Variants in CPNE4 observed in about 807,000 individuals in gnomAD.
CPNE4 encodes the protein copine-4.
CPNE4 carries 25 observed loss-of-function variants against 67.9 expected under a neutral mutation model. That is an observed-to-expected ratio of 0.37 (90% CI 0.27 to 0.51). CPNE4 has a LOEUF of 0.51. Ranked by LOEUF, CPNE4 falls within the 20% of genes least tolerant of loss-of-function variation. The probability of loss-of-function intolerance (pLI) is 0.93; values close to 1 mark genes in which losing one functional copy is unlikely to be tolerated. For synonymous variants in CPNE4, 242 were observed against 244.9 expected, an observed-to-expected ratio of 0.99 and a Z score of 0.11; for missense variants, 464 against 690.8, an observed-to-expected ratio of 0.67 and a Z score of 3.68.
intron 5 of CPNE4, among the ~76,000 whole-genome samples, chr3:131,686,768 T>A (rs548642912): frequency 6.6e-6 from 1 of 152,358 alleles, no homozygotes; most frequent in African/African-American, 2.4e-5. Flanking sequence ...TCTAGGTTTT[T>A]GTTCAGTTTC....
chr3:132,016,694 A>T (rs1452730291), intron 1 of CPNE4, among the ~76,000 whole-genome samples: 1 of 152,200 alleles, frequency 6.6e-6, no homozygotes, highest in Non-Finnish European at 1.5e-5. Flanking sequence ...TTAAAATCCT[A>T]TTTGGAAACC....
chr3:131,913,523 C>T (rs546920745), intron 1 of CPNE4, among the ~76,000 whole-genome samples: 1 of 152,278 alleles, frequency 6.6e-6, no homozygotes, highest in East Asian at 1.9e-4. Context: ...GGACGCAAGA[C>T]CCCAGAAGAG....
In CPNE4 at chr3:131,844,842, C is replaced by G. The variant is rs189687454; in HGVS notation, c.180+60422G>C. On this transcript the variant is annotated intron_variant, in intron 2 of 15. Coordinates refer to ENST00000429747, the MANE Select transcript of CPNE4 (RefSeq NM_130808.3). Reference sequence around the variant, plus strand: ...CTTCCTTAGCCTCAACCTTCTTTCTCTTTTGAAGTTCTTCAAAACTTCATG... The same window carrying G: ...CTTCCTTAGCCTCAACCTTCTTTCTGTTTTGAAGTTCTTCAAAACTTCATG... Among the ~76,000 whole-genome samples the G allele has an allele frequency of 7.2e-5, 11 of 152,244 alleles. No homozygotes were observed. The East Asian group carries it at 1.7e-3, about 24-fold the overall frequency.
chr3:131,659,538 A>G (rs997424324), intron 7 of CPNE4, among the ~76,000 whole-genome samples: 3 of 152,238 alleles, frequency 2.0e-5, no homozygotes, highest in Admixed American at 2.0e-4. Flanking sequence ...CAGGGCACTG[A>G]ATAGCATTCA....
chr3:131,737,473 T>C (rs1172006012), intron 2 of CPNE4, among the ~76,000 whole-genome samples: 4 of 152,116 alleles, frequency 2.6e-5, no homozygotes, highest in Non-Finnish European at 4.4e-5. Context: ...AAAGAACTAT[T>C]AGTGAGTGGA....
intron 2 of CPNE4, among the ~76,000 whole-genome samples, chr3:131,744,549 C>T (rs62279034): frequency 0.28 from 42,583 of 152,006 alleles, 6,071 homozygotes; most frequent in Middle Eastern, 0.32. Context: ...CACAAGGATC[C>T]CTCATGTTGC....
intron 1 of CPNE4, among the ~76,000 whole-genome samples, chr3:132,001,124 GA>G (rs1024456297): frequency 3.9e-5 from 6 of 151,950 alleles, no homozygotes; most frequent in African/African-American, 1.4e-4. Flanking sequence ...TACAAGGAGG[GA>G]AAAGGAGAAA....
intron 15 of CPNE4, among the ~76,000 whole-genome samples, chr3:131,537,320 G>T (rs376181903): frequency 8.1e-6 from 1 of 123,442 alleles, no homozygotes; most frequent in African/African-American, 3.2e-5. Context: ...GTCTCACTCT[G>T]TCACCCAGGC....
At chr3:131,570,440 C>T (rs560601815) in intron 10 of CPNE4, among the ~76,000 whole-genome samples, 27 of 151,966 alleles carry the variant, frequency 1.8e-4, no homozygotes, top group Non-Finnish European at 3.7e-4. Context: ...CACCCACTAA[C>T]GTGTCATCTA....
At chr3:131,888,111 C>T (rs909909983) in intron 2 of CPNE4, among the ~76,000 whole-genome samples, 1 of 152,180 alleles carries the variant, frequency 6.6e-6, no homozygotes, top group Admixed American at 6.5e-5. Flanking sequence ...TGTGTTCTGC[C>T]TAAAATCCTG....
At chr3:131,600,103 TCCAGCAG>T (rs1939120204) in intron 7 of CPNE4, among the ~76,000 whole-genome samples, 2 of 152,200 alleles carry the variant, frequency 1.3e-5, no homozygotes, top group East Asian at 3.9e-4. Context: ...ATCTGGGATG[TCCAGCAG>T]CCATAGATGG....
chr3:131,673,512 A>G (rs1436608284), intron 6 of CPNE4, among the ~76,000 whole-genome samples: 2 of 152,050 alleles, frequency 1.3e-5, no homozygotes, highest in East Asian at 3.9e-4. Context: ...AGTTTCTTTC[A>G]TCAATATTTT....
intron 1 of CPNE4, among the ~76,000 whole-genome samples, chr3:131,954,968 GA>G (rs3041609): frequency 0.028 from 3,881 of 137,420 alleles, 117 homozygotes; most frequent in African/African-American, 0.083. Context: ...GTATGCATGT[GA>G]AAAAAAAAAA....
At chr3:131,974,911 G>C (rs190801576) in intron 1 of CPNE4, among the ~76,000 whole-genome samples, 2 of 152,130 alleles carry the variant, frequency 1.3e-5, no homozygotes, top group African/African-American at 2.4e-5. Context: ...GGGAGGCTGA[G>C]GGGGGAGGAT....
chr3:131,589,641 C>T (rs1367673621), intron 7 of CPNE4, among the ~76,000 whole-genome samples: 1 of 152,228 alleles, frequency 6.6e-6, no homozygotes, highest in Admixed American at 6.5e-5. Context: ...CTCACACTTA[C>T]AGTCTTTGAA....
At chr3:131,625,714 A>G (rs73001208) in intron 7 of CPNE4, among the ~76,000 whole-genome samples, 43,953 of 152,128 alleles carry the variant, frequency 0.29, 10,763 homozygotes, top group African/African-American at 0.67. Context: ...TTCTTTATAT[A>G]TATCTATAAA....
intron 1 of CPNE4, among the ~76,000 whole-genome samples, chr3:131,983,544 T>C (rs1242874235): frequency 6.6e-6 from 1 of 152,188 alleles, no homozygotes; most frequent in Non-Finnish European, 1.5e-5. Context: ...TACCTAGTTA[T>C]AATTAGTTCC....
intron 1 of CPNE4, among the ~76,000 whole-genome samples, chr3:131,998,726 T>C (rs2073356731): frequency 6.6e-6 from 1 of 150,884 alleles, no homozygotes; most frequent in South Asian, 2.1e-4. Context: ...AATGAAAAGA[T>C]GGGTAAGGTT....
chr3:131,625,697 T>C (rs1582913008), intron 7 of CPNE4, among the ~76,000 whole-genome samples: 1 of 152,216 alleles, frequency 6.6e-6, no homozygotes, highest in Non-Finnish European at 1.5e-5. Flanking sequence ...CTATATATTC[T>C]ATGATTTTCT....
Sources: allele counts gnomAD v4.1 joint callset (sites outside exome capture counted in the v4.1 genomes callset), GRCh38; gene constraint gnomAD v4.1.1; transcripts MANE v1.5; gene names NCBI Gene and HGNC (gene_info 2026-07-23, HGNC 2026-07-21).